The following LRRTM4 variants were observed in gnomAD, a reference collection of about 807,000 sequenced individuals.
The protein encoded by LRRTM4 is leucine-rich repeat transmembrane neuronal protein 4.
A neutral mutation model predicts 47.6 loss-of-function variants in LRRTM4; 25 were observed. The observed-to-expected ratio is 0.53, with a 90% CI of 0.38 to 0.73. The LOEUF is 0.73. Ranked by LOEUF, LRRTM4 falls within the 30% of genes least tolerant of loss-of-function variation. The pLI, the probability that LRRTM4 is intolerant of heterozygous loss-of-function variation, is 0.00. For synonymous variants in LRRTM4, 311 were observed against 269.5 expected, an observed-to-expected ratio of 1.15 and a Z score of -1.51; for missense variants, 638 against 713.4, an observed-to-expected ratio of 0.89 and a Z score of 1.20.
intron 3 of LRRTM4, among the ~76,000 whole-genome samples, chr2:77,216,904 C>T (rs1001444874): frequency 3.3e-5 from 5 of 151,792 alleles, no homozygotes; most frequent in African/African-American, 4.8e-5. Context: ...AACCCCATCT[C>T]TTACTAAAAA....
rs186847605 is a variant in LRRTM4, at chr2:77,300,462, A to G, written c.1551+217856T>C. 7.1e-4 allele frequency among the ~76,000 whole-genome samples: 108 copies of G among 152,298 alleles called. 1 individual carries two copies. The Middle Eastern group carries it at 0.01, about 14-fold the overall frequency. ...GAGTTCTACCAAAGACTAGATGGGT[A>G]ATTTAGAGCTAATTGCTTTGTATGC... On this transcript the variant is annotated intron_variant, in intron 3 of 3. Coordinates refer to ENST00000409884, the MANE Select transcript of LRRTM4 (RefSeq NM_001134745.3).
chr2:76,886,960 T>A (rs982718929), intron 3 of LRRTM4, among the ~76,000 whole-genome samples: 4 of 151,944 alleles, frequency 2.6e-5, no homozygotes, highest in African/African-American at 4.8e-5. Flanking sequence ...CATAATACAT[T>A]GATTTTCATA....
intron 3 of LRRTM4, among the ~76,000 whole-genome samples, chr2:76,863,981 A>C (rs924402084): frequency 1.3e-5 from 2 of 152,214 alleles, no homozygotes; most frequent in African/African-American, 2.4e-5. Context: ...TCAGACTATA[A>C]GTAGTTCACC....
intron 3 of LRRTM4, among the ~76,000 whole-genome samples, chr2:76,782,995 TTCTTGTTCAGCC>T (rs1366519223): frequency 6.6e-6 from 1 of 152,166 alleles, no homozygotes; most frequent in Non-Finnish European, 1.5e-5. Context: ...TTAATCTTTA[TTCTTGTTCAGCC>T]ATATATATAT....
chr2:77,290,360 T>C (rs1420105969), intron 3 of LRRTM4, among the ~76,000 whole-genome samples: 1 of 149,242 alleles, frequency 6.7e-6, no homozygotes, highest in East Asian at 2.0e-4. Flanking sequence ...AATAAACTCA[T>C]GGAGATTGAG....
intron 3 of LRRTM4, among the ~76,000 whole-genome samples, chr2:76,895,219 C>T (rs894787246): frequency 2.0e-5 from 3 of 151,920 alleles, no homozygotes; most frequent in African/African-American, 7.2e-5. Context: ...TTATACAAAA[C>T]TTGTGGAAGA....
chr2:76,846,398 A>G (rs1442132839), intron 3 of LRRTM4, among the ~76,000 whole-genome samples: 2 of 152,192 alleles, frequency 1.3e-5, no homozygotes, highest in African/African-American at 2.4e-5. Context: ...AACTAATGCT[A>G]GTATTCTGAA....
intron 3 of LRRTM4, among the ~76,000 whole-genome samples, chr2:77,495,139 C>A (rs1678312146): frequency 6.6e-6 from 1 of 152,024 alleles, no homozygotes; most frequent in Admixed American, 6.6e-5. Flanking sequence ...TGGGCATATG[C>A]TTTTATGTCC....
At chr2:77,104,649 C>T (rs1671044106) in intron 3 of LRRTM4, among the ~76,000 whole-genome samples, 1 of 152,298 alleles carries the variant, frequency 6.6e-6, no homozygotes, top group Non-Finnish European at 1.5e-5. Flanking sequence ...CAAGATCCGA[C>T]AGACCTGAAT....
chr2:77,121,658 T>A (rs1671523595), intron 3 of LRRTM4, among the ~76,000 whole-genome samples: 1 of 151,832 alleles, frequency 6.6e-6, no homozygotes, highest in Non-Finnish European at 1.5e-5. Flanking sequence ...AATGTTATTG[T>A]ACAACCAGGG....
At chr2:76,782,971 C>A (rs1001114790) in intron 3 of LRRTM4, among the ~76,000 whole-genome samples, 9 of 151,972 alleles carry the variant, frequency 5.9e-5, no homozygotes, top group Admixed American at 4.6e-4. Flanking sequence ...TTGTAGATTT[C>A]TTAAAAATTC....
chr2:77,358,175 G>A lies in LRRTM4; in HGVS notation c.1551+160143C>T, dbSNP rs1672043448. ...TGATATGAAAGAACATCTGAGCCTG[G>A]GTAATTTATAAAGAAAAGAAGTTTA... On this transcript the variant is annotated intron_variant, in intron 3 of 3. Transcript: ENST00000409884. Among the ~76,000 whole-genome samples the A allele has an allele frequency of 2.0e-5, 3 of 152,058 alleles. No individual in the cohort carries two copies. In the South Asian group the frequency reaches 6.2e-4, roughly 32 times the overall value.
chr2:76,977,566 A>G (rs546197932), intron 3 of LRRTM4, among the ~76,000 whole-genome samples: 2 of 151,974 alleles, frequency 1.3e-5, no homozygotes, highest in South Asian at 2.1e-4. Context: ...CAAGGTATCT[A>G]AAGTTACCTC....
chr2:77,505,899 A>T (rs2104089783), intron 3 of LRRTM4, among the ~76,000 whole-genome samples: 1 of 151,690 alleles, frequency 6.6e-6, no homozygotes, highest in Non-Finnish European at 1.5e-5. Context: ...TTCCAAATTG[A>T]TTCATAGATT....
At chr2:77,445,552 G>A (rs1356604908) in intron 3 of LRRTM4, among the ~76,000 whole-genome samples, 1 of 151,704 alleles carries the variant, frequency 6.6e-6, no homozygotes, top group Non-Finnish European at 1.5e-5. Flanking sequence ...TGTAACATGG[G>A]GGTGAAAGTG....
intron 3 of LRRTM4, among the ~76,000 whole-genome samples, chr2:77,270,883 T>A (rs146420714): frequency 5.9e-5 from 9 of 152,342 alleles, no homozygotes; most frequent in Non-Finnish European, 1.0e-4. Context: ...TACACTGCCG[T>A]GCCCACTTTA....
In LRRTM4 at chr2:77,348,375, G is replaced by A. The variant is rs185173180; in HGVS notation, c.1551+169943C>T. Among the ~76,000 whole-genome samples the A allele has an allele frequency of 3.0e-3, 448 of 150,782 alleles. 3 individuals are homozygous for A. The highest frequency in any genetic ancestry group is 9.6e-3 in the African/African-American group (398 of 41,280). On this transcript the variant is annotated intron_variant, in intron 3 of 3. Transcript: ENST00000409884. ...TTAATTTTATTTTATACCCTGTATC[G>A]TGCTCCATTATATTTGTTGAAAATG...
chr2:77,086,945 C>T (rs1680737876), intron 3 of LRRTM4, among the ~76,000 whole-genome samples: 1 of 152,188 alleles, frequency 6.6e-6, no homozygotes, highest in African/African-American at 2.4e-5. Context: ...TGACAAAGCA[C>T]ACCTAGGCAT....
intron 3 of LRRTM4, among the ~76,000 whole-genome samples, chr2:77,147,347 A>G (rs1324720420): frequency 6.6e-6 from 1 of 152,204 alleles, no homozygotes; most frequent in African/African-American, 2.4e-5. Context: ...ACAATAAAAC[A>G]TATGTTCCAG....
Sources: gnomAD v4.1 joint callset for allele counts (sites outside exome capture counted in the v4.1 genomes callset) on GRCh38, gnomAD v4.1.1 for gene constraint, MANE v1.5 for transcripts, NCBI Gene and HGNC (gene_info 2026-07-23, HGNC 2026-07-21) for gene names.